Variants in RPS6KA2 observed in about 807,000 individuals in gnomAD.
RPS6KA2 encodes ribosomal protein S6 kinase A2, also known as ribosomal protein S6 kinase alpha-2.
In RPS6KA2, 42 loss-of-function variants were observed where a neutral mutation model predicts 91.8. That is an observed-to-expected ratio of 0.46 (90% CI 0.36 to 0.59). The LOEUF (loss-of-function observed/expected upper bound fraction) is 0.59, where lower values mean the gene tolerates loss of function less well. Ranked by LOEUF, RPS6KA2 falls within the 20% of genes least tolerant of loss-of-function variation. The probability of loss-of-function intolerance (pLI) is 0.00; values close to 1 mark genes in which losing one functional copy is unlikely to be tolerated. For synonymous variants in RPS6KA2, 414 were observed against 393.6 expected (o/e 1.05, Z -0.61); for missense variants, 798 against 978.5 (o/e 0.82, Z 2.46).
At chr6:166,712,701 C>T (rs898149148) in intron 2 of RPS6KA2, among the ~76,000 whole-genome samples, 2 of 152,216 alleles carry the variant, frequency 1.3e-5, no homozygotes, top group East Asian at 1.9e-4. Context: ...GATGTCCCAC[C>T]GAGGCCCACA....
At chr6:166,492,974 C>T (rs538931499) in intron 8 of RPS6KA2, among the ~76,000 whole-genome samples, 3 of 151,690 alleles carry the variant, frequency 2.0e-5, no homozygotes, top group African/African-American at 4.8e-5. Context: ...TCAAGTGATC[C>T]GCCCGCCTTG....
chr6:166,862,112 A>G (rs1781059719), exon 1 of RPS6KA2: 1 of 1,614,160 alleles, frequency 6.2e-7, no homozygotes, highest in Middle Eastern at 1.6e-4. Flanking sequence ...ACTCACCTCT[A>G]TTTCCATAGG....
At chr6:166,519,947 T>C (rs1782793017) in intron 3 of RPS6KA2, among the ~76,000 whole-genome samples, 1 of 152,158 alleles carries the variant, frequency 6.6e-6, no homozygotes, top group Non-Finnish European at 1.5e-5. Flanking sequence ...GGTGTGTGTG[T>C]GAGGGCGTTT....
chr6:166,660,395 TGC>T (rs757862839), intron 2 of RPS6KA2, among the ~76,000 whole-genome samples: 3,331 of 145,298 alleles, frequency 0.023, 112 homozygotes, highest in African/African-American at 0.075. Flanking sequence ...TGGGCATGCG[TGC>T]GTGTGTGTGT....
At chr6:166,718,576 C>T (rs573884179) in intron 2 of RPS6KA2, among the ~76,000 whole-genome samples, 11 of 152,174 alleles carry the variant, frequency 7.2e-5, no homozygotes, top group East Asian at 1.9e-4. Flanking sequence ...ATACAAGACA[C>T]GAGTATTTGT....
At chr6:166,582,832 A>C (rs1484246493) in intron 1 of RPS6KA2, among the ~76,000 whole-genome samples, 3 of 152,232 alleles carry the variant, frequency 2.0e-5, no homozygotes, top group African/African-American at 7.2e-5. Context: ...AACACAAAAA[A>C]ACCTCTTGAA....
chr6:166,795,390 C>A (rs1232791226), intron 2 of RPS6KA2, among the ~76,000 whole-genome samples: 1 of 152,194 alleles, frequency 6.6e-6, no homozygotes, highest in Non-Finnish European at 1.5e-5. Flanking sequence ...TGCTTTCACT[C>A]AAAAAACTGA....
At chr6:166,570,186 A>G (rs1268919512) in intron 1 of RPS6KA2, among the ~76,000 whole-genome samples, 2 of 152,210 alleles carry the variant, frequency 1.3e-5, no homozygotes, top group Non-Finnish European at 2.9e-5. Flanking sequence ...AACAGCAACT[A>G]CGTGGTCTCA....
intron 16 of RPS6KA2, among the ~76,000 whole-genome samples, chr6:166,429,988 C>T (rs1169000455): frequency 6.7e-6 from 1 of 149,040 alleles, no homozygotes; most frequent in Non-Finnish European, 1.5e-5. Flanking sequence ...GATGGAGTCT[C>T]GTCCTGTCAC....
At chr6:166,497,326 A>G (rs905517377) in intron 8 of RPS6KA2, among the ~76,000 whole-genome samples, 4 of 152,234 alleles carry the variant, frequency 2.6e-5, no homozygotes, top group African/African-American at 9.6e-5. Context: ...GTTGAACTGC[A>G]CGACTGTCTG....
chr6:166,683,441 T>C (rs894452780), intron 2 of RPS6KA2, among the ~76,000 whole-genome samples: 12 of 152,232 alleles, frequency 7.9e-5, no homozygotes, highest in Admixed American at 7.2e-4. Context: ...CCTTCCACTC[T>C]AGAGACCTAG....
chr6:166,717,172 AGTCTGAGTTC>A (rs1402294959), intron 2 of RPS6KA2, among the ~76,000 whole-genome samples: 8 of 152,182 alleles, frequency 5.3e-5, no homozygotes, highest in Admixed American at 2.6e-4. Context: ...AAGGAAGAGG[AGTCTGAGTTC>A]GTCTGAGGCT....
intron 14 of RPS6KA2, among the ~76,000 whole-genome samples, chr6:166,444,374 C>G (rs909640427): frequency 2.6e-5 from 4 of 152,322 alleles, no homozygotes; most frequent in South Asian, 2.1e-4. Flanking sequence ...CATCGCCCAC[C>G]ACTAGTCTCC....
At chr6:166,711,170 C>T (rs936379125) in intron 2 of RPS6KA2, among the ~76,000 whole-genome samples, 2 of 151,170 alleles carry the variant, frequency 1.3e-5, no homozygotes, top group African/African-American at 2.4e-5. Context: ...TTAGTGGAGG[C>T]CACAGAGGGA....
At chr6:166,629,916 GAT>G (rs1300716808), upstream of RPS6KA2, among the ~76,000 whole-genome samples, 2 of 151,560 alleles carry the variant, frequency 1.3e-5, no homozygotes, top group African/African-American at 4.9e-5. Flanking sequence ...GACACAAAAT[GAT>G]TACAACATCC....
rs1038446530 is a variant in RPS6KA2, at chr6:166,500,154, G to A, written c.604+733C>T. Among the ~76,000 whole-genome samples, 44 of 152,218 alleles carry A rather than the reference G, an allele frequency of 2.9e-4. No homozygotes were observed. Among genetic ancestry groups the A allele is most frequent in the African/African-American group, 1.0e-3 (43 of 41,456 alleles). Reference sequence around the variant, plus strand: ...CTAAGCAAGGGAGTCTCCTCTAGAGGCCCCCAAAAGGCAGGCAGCCCTGCT... The same window carrying A: ...CTAAGCAAGGGAGTCTCCTCTAGAGACCCCCAAAAGGCAGGCAGCCCTGCT... On this transcript the variant is annotated intron_variant, in intron 7 of 20. Coordinates refer to ENST00000265678, the MANE Select transcript of RPS6KA2 (RefSeq NM_021135.6). The surrounding 1 kb of genome is among the most constrained non-coding windows in gnomAD (Gnocchi z 4.3).
At chr6:166,839,515 GGTTA>G (rs926596929) in intron 2 of RPS6KA2, among the ~76,000 whole-genome samples, 11 of 150,622 alleles carry the variant, frequency 7.3e-5, no homozygotes, top group East Asian at 3.9e-4. Context: ...ATATCTGAGG[GGTTA>G]GTTACTGTAT....
rs557412040 is a variant in RPS6KA2 at position 166,670,967 on chromosome 6, C to T, written c.124-132183G>A. Among the ~76,000 whole-genome samples, 38 of 152,262 alleles carry T rather than the reference C, an allele frequency of 2.5e-4. No homozygotes were observed. In the South Asian group the frequency reaches 5.0e-3, roughly 20 times the overall value. Reference sequence around the variant, plus strand: ...TCCTGAGCAGCTGGGATTACAGCCTCGTGCCACCACGCTCAGCTAATTTTT... The same window carrying T: ...TCCTGAGCAGCTGGGATTACAGCCTTGTGCCACCACGCTCAGCTAATTTTT... On this transcript the variant is annotated intron_variant, in intron 2 of 21. Transcript: ENST00000503859.
Position 166,423,456 on chromosome 6 carries a change from G to A in RPS6KA2, c.1582-39C>T. The A allele has an allele frequency of 6.3e-7, 1 of 1,578,910 alleles. No individual in the cohort carries two copies. The highest frequency in any genetic ancestry group is 1.1e-5 in the South Asian group (1 of 88,312). On this transcript the variant is annotated intron_variant, in intron 16 of 20. Coordinates refer to ENST00000265678, the MANE Select transcript of RPS6KA2 (RefSeq NM_021135.6). This position sits in a 1 kb window ranked among gnomAD's most constrained non-coding sequence, Gnocchi z 4.8. ...GGCACAGTGCCTACTTGGGGGCTGA[G>A]GACTGAGCAGGAGAGGGAGGGCAGG...
Sources: gnomAD v4.1 joint callset for allele counts (sites outside exome capture counted in the v4.1 genomes callset) on GRCh38, gnomAD v4.1.1 for gene constraint, Gnocchi (gnomAD v3.1) non-coding constraint, MANE v1.5 for transcripts, NCBI Gene and HGNC (gene_info 2026-07-23, HGNC 2026-07-21) for gene names.